Variants in FAIM2 observed in about 807,000 individuals in gnomAD.
FAIM2 encodes Fas apoptotic inhibitory molecule 2.
FAIM2 carries 27 observed loss-of-function variants against 47.4 expected under a neutral mutation model. That is an observed-to-expected ratio of 0.57 (90% CI 0.42 to 0.78). The LOEUF (loss-of-function observed/expected upper bound fraction) is 0.78, where lower values mean the gene tolerates loss of function less well. Among genes scored for constraint, FAIM2 ranks in the 30% least tolerant of loss-of-function variants. The pLI is 0.00. For missense variants in FAIM2, 311 were observed against 389.4 expected (o/e 0.80, Z 1.69); for synonymous variants, 156 against 159.3 (o/e 0.98, Z 0.16).
intron 5 of FAIM2, among the ~76,000 whole-genome samples, chr12:49,891,478 G>A (rs1489277964): frequency 6.6e-6 from 1 of 152,178 alleles, no homozygotes; most frequent in East Asian, 1.9e-4. Context: ...ATCAACGAAT[G>A]TAATCCTCAT....
In FAIM2 at chr12:49,870,886, C is replaced by T. The variant is rs531776708; in HGVS notation, c.802-233G>A. ...GGGATACAGCAGAGAACAAGACAGCCGGGATCCCTGTCCTCACAGAGCTTA... is the reference window on the plus strand; with the variant it reads ...GGGATACAGCAGAGAACAAGACAGCTGGGATCCCTGTCCTCACAGAGCTTA... On this transcript the variant is annotated intron_variant, in intron 11 of 11. Coordinates refer to ENST00000320634, the MANE Select transcript of FAIM2 (RefSeq NM_012306.4). 6.6e-5 allele frequency among the ~76,000 whole-genome samples: 10 copies of T among 152,328 alleles called. No individual in the cohort carries two copies. In the South Asian group the frequency reaches 1.5e-3, roughly 22 times the overall value.
chr12:49,897,209 C>T (rs376749021), intron 4 of FAIM2, 125 bp from the exon 5 acceptor site: 14 of 863,408 alleles, frequency 1.6e-5, no homozygotes, highest in South Asian at 1.3e-4. Flanking sequence ...AATGCAGCCC[C>T]TGGAGGCTCG....
At chr12:49,893,643 T>C (rs1387482275) in intron 5 of FAIM2, among the ~76,000 whole-genome samples, 1 of 152,196 alleles carries the variant, frequency 6.6e-6, no homozygotes, top group Non-Finnish European at 1.5e-5. Context: ...ATATTGGATT[T>C]GGTGAGTAGG....
rs1302136063 is a variant in FAIM2, at chr12:49,878,637, CCCTTGTAT to C, written c.802-7992_802-7985del. 1.3e-3 allele frequency among the ~76,000 whole-genome samples: 91 copies of C among 70,262 alleles called. 6 individuals carry two copies. Among genetic ancestry groups the C allele is most frequent in the African/African-American group, 9.8e-3 (88 of 8,970 alleles). 46.1% of individuals were successfully genotyped at this position (70,262 alleles called of 152,430 possible). A position where few individuals can be genotyped will look rare whatever the true frequency, so the allele number is the denominator to read the frequency against. ...ATGTGTGCATATGTGTATGTATGTGCCCTTGTATATATGTGCGCTTGTATGTGCATGTG... is the reference window on the plus strand; with the variant it reads ...ATGTGTGCATATGTGTATGTATGTGCATATGTGCGCTTGTATGTGCATGTG... On this transcript the variant is annotated intron_variant, in intron 11 of 11. Transcript: ENST00000320634.
intron 4 of FAIM2, 58 bp from the exon 5 acceptor site, chr12:49,897,142 G>T: frequency 1.5e-6 from 2 of 1,373,280 alleles, no homozygotes; most frequent in South Asian, 1.2e-5. Flanking sequence ...CTCCATTTCT[G>T]GTTCAGCATC....
intron 11 of FAIM2, among the ~76,000 whole-genome samples, chr12:49,871,414 T>G (rs1592782181): frequency 6.6e-6 from 1 of 152,112 alleles, no homozygotes; most frequent in Non-Finnish European, 1.5e-5. Context: ...AGGAACAGAT[T>G]CCCTCTGAGA....
intron 11 of FAIM2, among the ~76,000 whole-genome samples, chr12:49,879,704 G>GAGTGTA (rs879332642): frequency 1.2e-5 from 1 of 82,794 alleles, no homozygotes; most frequent in African/African-American, 5.4e-5. Flanking sequence ...GTGTGCATGT[G>GAGTGTA]TGTGTGTGTG....
At chr12:49,879,851 T>C (rs1398430617) in intron 11 of FAIM2, among the ~76,000 whole-genome samples, 1 of 151,982 alleles carries the variant, frequency 6.6e-6, no homozygotes, top group Non-Finnish European at 1.5e-5. Flanking sequence ...TGAGTGTATG[T>C]ATGTTCATGT....
intron 11 of FAIM2, among the ~76,000 whole-genome samples, chr12:49,885,361 C>T (rs1366122503): frequency 1.3e-5 from 2 of 152,218 alleles, no homozygotes; most frequent in East Asian, 1.9e-4. Flanking sequence ...GGCTTGGCCC[C>T]TCTTCTGTCC....
chr12:49,900,892 A>C (rs1414580083), intron 2 of FAIM2, among the ~76,000 whole-genome samples: 2 of 152,166 alleles, frequency 1.3e-5, no homozygotes, highest in East Asian at 3.9e-4. Context: ...CTTGAAAAAA[A>C]AATGCCCTCT....
Position 49,891,169 on chromosome 12 carries a change from C to A in FAIM2, c.435-55G>T. 2.6e-6 allele frequency: 4 copies of A among 1,539,842 alleles called. No individual in the cohort carries two copies. The South Asian group carries it at 4.5e-5, about 17-fold the overall frequency. On this transcript the variant is annotated intron_variant, in intron 5 of 11. Transcript: ENST00000320634. ...GCCAGCCTCTCCTGGGTCCCTCCCCCAAGATCCCCTGCTTATGCCACTCTC... is the reference window on the plus strand; with the variant it reads ...GCCAGCCTCTCCTGGGTCCCTCCCCAAAGATCCCCTGCTTATGCCACTCTC...
At position 49,868,008 on chromosome 12, in the gene FAIM2, C is replaced by A. The variant is rs184760783; in HGVS notation, c.*2496G>T. On this transcript the variant is annotated 3_prime_UTR_variant, in exon 12 of 12. Transcript: ENST00000320634. ...ATGCGTGTGTGACACTGTTTATTGC[C>A]GAGGACCTGTCCCTCCTCCCCCAAG... 7.1e-5 allele frequency: 11 copies of A among 154,492 alleles called. No individual in the cohort carries two copies. The East Asian group carries it at 1.5e-3, about 21-fold the overall frequency. 9.6% of individuals were successfully genotyped at this position (154,492 alleles called of 1,614,324 possible).
chr12:49,881,356 G>T (rs183809899), intron 11 of FAIM2, among the ~76,000 whole-genome samples: 145 of 152,290 alleles, frequency 9.5e-4, no homozygotes, highest in African/African-American at 3.3e-3. Context: ...AAGTGAAGAG[G>T]TCTATTCCCA....
intron 2 of FAIM2, 96 bp from the exon 3 acceptor site, chr12:49,898,186 C>A: frequency 3.2e-6 from 2 of 622,886 alleles, no homozygotes; most frequent in Non-Finnish European, 5.3e-6. Context: ...TTTTGTCAAC[C>A]TGGCTCTCTG....
chr12:49,876,963 T>C (rs964610499), intron 11 of FAIM2, among the ~76,000 whole-genome samples: 8 of 152,026 alleles, frequency 5.3e-5, no homozygotes, highest in Non-Finnish European at 2.9e-5. Context: ...GGTCACAGAA[T>C]GGTAAGAGGA....
At chr12:49,888,509 G>A (rs542607547) in intron 10 of FAIM2, among the ~76,000 whole-genome samples, 79 of 152,290 alleles carry the variant, frequency 5.2e-4, no homozygotes, top group African/African-American at 1.6e-3. Flanking sequence ...TTCCTGTGAT[G>A]ACCCCAATCT....
intron 11 of FAIM2, among the ~76,000 whole-genome samples, chr12:49,879,706 G>GTT: frequency 6.7e-6 from 1 of 150,004 alleles, no homozygotes; most frequent in Admixed American, 6.6e-5. Context: ...GTGCATGTGT[G>GTT]TGTGTGTGTA....
chr12:49,867,879 C>T lies in FAIM2; in HGVS notation c.*2625G>A, dbSNP rs1477572773. On this transcript the variant is annotated 3_prime_UTR_variant, in exon 12 of 12. Coordinates refer to ENST00000320634, the MANE Select transcript of FAIM2 (RefSeq NM_012306.4). ...TTTGGCCCTGACCCTGCTGCCTACA[C>T]TGTGGTACCTGCCACCCCCCCTCAG... The T allele has an allele frequency of 2.0e-5, 3 of 152,326 alleles. No homozygotes were observed. The East Asian group carries it at 5.8e-4, about 29-fold the overall frequency. The allele number at this position is 152,326 out of a possible 1,614,324, so 9.4% of individuals were successfully genotyped here. A position where few individuals can be genotyped will look rare whatever the true frequency, so the allele number is the denominator to read the frequency against.
intron 11 of FAIM2, among the ~76,000 whole-genome samples, chr12:49,882,243 C>T (rs1946831171): frequency 6.6e-6 from 1 of 152,154 alleles, no homozygotes. Flanking sequence ...GCAGGATGGG[C>T]AGACGAGAGA....
Sources: allele counts gnomAD v4.1 joint callset (sites outside exome capture counted in the v4.1 genomes callset), GRCh38; gene constraint gnomAD v4.1.1; transcripts MANE v1.5; gene names NCBI Gene and HGNC (gene_info 2026-07-23, HGNC 2026-07-21).